Variants in ANO8 observed in about 807,000 individuals in gnomAD.
ANO8 encodes anoctamin-8.
Under a neutral mutation model 120.4 loss-of-function variants are expected in ANO8, and 67 were observed. That is an observed-to-expected ratio of 0.56 (90% confidence interval 0.46 to 0.68). ANO8 has a LOEUF of 0.68. Among genes scored for constraint, ANO8 ranks in the 30% least tolerant of loss-of-function variants. The probability of loss-of-function intolerance (pLI) is 0.00; values close to 1 mark genes in which losing one functional copy is unlikely to be tolerated. For missense variants in ANO8, 1,526 were observed against 1,737.6 expected (o/e 0.88, Z 2.16); for synonymous variants, 727 against 759.2 (o/e 0.96, Z 0.70).
At chr19:17,332,499 G>T (rs1466318261) in intron 5 of ANO8, among the ~76,000 whole-genome samples, 1 of 152,156 alleles carries the variant, frequency 6.6e-6, no homozygotes, top group Admixed American at 6.5e-5. Flanking sequence ...TAGTTTCCTG[G>T]AGGGGAATCC....
Position 17,323,888 on chromosome 19 carries a change from C to T in ANO8, c.3332-4G>A, listed in dbSNP as rs1159953526. On this transcript the variant is annotated splice_region_variant and splice_polypyrimidine_tract_variant and intron_variant, in intron 17 of 17. Transcript: ENST00000159087. ...CCCACGGGGGCCAGCGCTGTCCCTG[C>T]GGAGGCGAGAGGGGCCGTTCCGGGG... 9.8e-6 allele frequency: 11 copies of T among 1,117,810 alleles called. No individual in the cohort carries two copies. Among genetic ancestry groups the T allele is most frequent in the Non-Finnish European group, 1.2e-5 (11 of 914,784 alleles). The allele number at this position is 1,117,810 out of a possible 1,614,324, so 69.2% of individuals were successfully genotyped here.
chr19:17,328,144 G>GCCCCGCCCCCTGCGAGT lies in ANO8; in HGVS notation c.2226+17_2226+18insACTCGCAGGGGGCGGGG. ...CCGGCGAGGCCCCGCCCCCTGCGAG[G>GCCCCGCCCCCTGCGAGT]CCCCGCCCCCTCCTCACCTCGTACT... On this transcript the variant is annotated intron_variant, in intron 13 of 17. Coordinates refer to ENST00000159087, the MANE Select transcript of ANO8 (RefSeq NM_020959.3). The GCCCCGCCCCCTGCGAGT allele has an allele frequency of 6.5e-7, 1 of 1,531,566 alleles. No homozygotes were observed. The allele number at this position is 1,531,566 out of a possible 1,614,324, so 94.9% of individuals were successfully genotyped here.
At position 17,328,609 on chromosome 19, in the gene ANO8, CTCG is replaced by C; in HGVS notation, c.1776_1778del (p.Asp592del). ...CCTCCTCCTCGTCCTCCTCTTCCTCCTCGTCCTCCTCCTCCTCGTCGTCCTCGT... is the reference window on the plus strand; with the variant it reads ...CCTCCTCCTCGTCCTCCTCTTCCTCCTCCTCCTCCTCCTCGTCGTCCTCGT... On this transcript the variant is annotated inframe_deletion, in exon 13 of 18. Transcript: ENST00000159087. The C allele has an allele frequency of 1.3e-6, 2 of 1,542,150 alleles. No individual in the cohort carries two copies. The highest frequency in any genetic ancestry group is 8.7e-7 in the Non-Finnish European group (1 of 1,143,436).
At chr19:17,325,470 T>G in intron 16 of ANO8, 84 bp from the exon 17 acceptor site, 3 of 1,482,440 alleles carry the variant, frequency 2.0e-6, no homozygotes, top group Non-Finnish European at 2.7e-6. Context: ...GCCAGGGCTC[T>G]CTGCAAAAGT....
At position 17,333,535 on chromosome 19, in the gene ANO8, C is replaced by T. The variant is rs990516204; in HGVS notation, c.237G>A (p.Thr79=). Residue 79 remains threonine, a synonymous_variant, in exon 3 of 18, where the codon ACG becomes ACA. Transcript: ENST00000159087. This position sits in a 1 kb window ranked among gnomAD's most constrained non-coding sequence, Gnocchi z 7.2. ...MTFPDTTDDH[T]LLWLLNHIRV... ...GGATGTGGTTCAGCAGCCATAGCAG[C>T]GTGTGGTCATCGGTCGTGTCTGCCA... 4 of 1,612,942 alleles carry T rather than the reference C, an allele frequency of 2.5e-6. No homozygotes were observed. The highest frequency in any genetic ancestry group is 3.4e-6 in the Non-Finnish European group (4 of 1,179,966).
chr19:17,327,484 G>A lies in ANO8; in HGVS notation c.2504C>T (p.Pro835Leu). 1 of 1,613,256 alleles carries A rather than the reference G, an allele frequency of 6.2e-7. No individual in the cohort carries two copies. Among genetic ancestry groups the A allele is most frequent in the Non-Finnish European group, 8.5e-7 (1 of 1,179,854 alleles). ...GATGGCTGCCTCCGGGCTCAGCCAG[G>A]GGAAGAGGCGCTGCAGCTGCCCGCA... ...GQCGQLQRLFPWLSPEAAIVS... is the reference protein window; with the variant it reads ...GQCGQLQRLFLWLSPEAAIVS... Residue 835 changes from proline (P) to leucine (L), a missense_variant, in exon 15 of 18, where the codon CCC becomes CTC. Pro to Leu is a moderately conservative substitution (Grantham distance 98). Coordinates refer to ENST00000159087, the MANE Select transcript of ANO8 (RefSeq NM_020959.3).
In ANO8 at chr19:17,325,380, C is replaced by G; in HGVS notation, c.2668G>C (p.Glu890Gln). The G allele has an allele frequency of 1.3e-6, 2 of 1,581,544 alleles. No homozygotes were observed. The highest frequency in any genetic ancestry group is 2.3e-5 in the South Asian group (2 of 87,880). ...TGGTAGCGATGCTGGGCCTGGCGCT[C>G]GTGTCTCTGCAGGTAGAGCCAAGCC... ...YQRREAFKRHERQAQHRYQQQ... is the reference protein window; with the variant it reads ...YQRREAFKRHQRQAQHRYQQQ... The change falls in exon 17 of 18, where the codon GAG (glutamate) becomes CAG (glutamine). Residue 890 changes from glutamate to glutamine, a missense_variant. This residue lies in a region of ANO8 where 489 missense variants were observed against 548.6 expected (regional missense o/e 0.89). Coordinates refer to ENST00000159087, the MANE Select transcript of ANO8 (RefSeq NM_020959.3).
In ANO8 at chr19:17,324,888, G is replaced by C; in HGVS notation, c.3160C>G (p.Leu1054Val). The C allele has an allele frequency of 6.2e-7, 1 of 1,613,378 alleles. No homozygotes were observed. The highest frequency in any genetic ancestry group is 8.5e-7 in the Non-Finnish European group (1 of 1,179,832). Reference protein sequence around the residue: ...SPPKAFHAGKLFPFGGTRAEP... With the variant: ...SPPKAFHAGKVFPFGGTRAEP... ...GCCCGGGTGCCACCAAAGGGGAAGA[G>C]CTTGCCAGCATGGAAGGCTTTGGGC... Residue 1054 changes from leucine (L) to valine (V), a missense_variant, in exon 17 of 18, where the codon CTC becomes GTC. By Grantham distance (32) the Leu-to-Val change is conservative (BLOSUM62 1). Coordinates refer to ENST00000159087, the MANE Select transcript of ANO8 (RefSeq NM_020959.3).
Position 17,328,773 on chromosome 19 carries a change from C to T in ANO8, c.1615G>A (p.Gly539Arg). ...CTGAGGCACCTGCGGCCCCCGCCCC[C>T]GCTGCCGCCGCCCCCGCCCTCATCC... ...QADEGGGGGSGGGGRRCLSGG... is the reference protein window; with the variant it reads ...QADEGGGGGSRGGGRRCLSGG... The change falls in exon 13 of 18, where the codon GGG (glycine) becomes AGG (arginine). Residue 539 changes from glycine (G) to arginine (R), a missense_variant. Gly to Arg is a moderately radical substitution (Grantham distance 125). Around this residue, in one of 8 missense-constraint regions of ANO8, gnomAD observed 467 missense variants for 425.8 expected, o/e 1.10. Transcript: ENST00000159087. The T allele has an allele frequency of 7.6e-7, 1 of 1,321,566 alleles. No homozygotes were observed. Among genetic ancestry groups the T allele is most frequent in the Non-Finnish European group, 9.6e-7 (1 of 1,043,386 alleles). 81.9% of individuals were successfully genotyped at this position (1,321,566 alleles called of 1,614,324 possible). A position where few individuals can be genotyped will look rare whatever the true frequency, so the allele number is the denominator to read the frequency against.
Position 17,325,302 on chromosome 19 carries a change from G to A in ANO8, c.2746C>T (p.His916Tyr), listed in dbSNP as rs141064694. The stretch of plus-strand genomic sequence containing the variant: ...GAATCATGCTCCCGCCGGGCATGGT[G>A]CTCTGCATGGCGCTGTCGCTCCTCC... ...EEEERQRHAE[H>Y]HARREHDSGG... Residue 916 changes from histidine (H) to tyrosine (Y), a missense_variant, in exon 17 of 18, where the codon CAC becomes TAC. Physicochemically the swap from His to Tyr is moderately conservative, Grantham distance 83. Coordinates refer to ENST00000159087, the MANE Select transcript of ANO8 (RefSeq NM_020959.3). 3.4e-5 allele frequency: 55 copies of A among 1,606,038 alleles called. No individual in the cohort carries two copies. The African/African-American group carries it at 6.8e-4, about 20-fold the overall frequency.
chr19:17,323,990 G>T, intron 17 of ANO8, 106 bp from the exon 18 acceptor site: 1 of 1,022,834 alleles, frequency 9.8e-7, no homozygotes, highest in Non-Finnish European at 1.2e-6. Flanking sequence ...GCACATAAAG[G>T]CCTTATTGCT....
intron 8 of ANO8, 129 bp downstream of exon 8, chr19:17,330,699 G>A (rs1824835332): frequency 4.2e-6 from 6 of 1,437,440 alleles, no homozygotes; most frequent in South Asian, 2.7e-5. Flanking sequence ...CACAGAGCCC[G>A]CCTCGGTTTG....
chr19:17,324,115 C>G (rs1050138110), intron 17 of ANO8, among the ~76,000 whole-genome samples: 26 of 151,234 alleles, frequency 1.7e-4, no homozygotes, highest in Admixed American at 9.3e-4. Flanking sequence ...GTCCCTCTGG[C>G]TTCTGACCTA....
rs2074351286 is a variant in ANO8, at chr19:17,334,793, C to T, written c.-123G>A. 2 of 1,156,982 alleles carry T rather than the reference C, an allele frequency of 1.7e-6. No individual in the cohort carries two copies. Among genetic ancestry groups the T allele is most frequent in the Non-Finnish European group, 2.3e-6 (2 of 871,714 alleles). The allele number at this position is 1,156,982 out of a possible 1,614,324, so 71.7% of individuals were successfully genotyped here. ...AGACAAAGGCCGCGCCCGCCCGCGC[C>T]GGCCTCGGTCCTCGCTCGCCCGAGC... On this transcript the variant is annotated 5_prime_UTR_variant, in exon 1 of 18. Coordinates refer to ENST00000159087, the MANE Select transcript of ANO8 (RefSeq NM_020959.3).
At position 17,323,291 on chromosome 19, in the gene ANO8, CAA is replaced by C. The variant is rs1568356696; in HGVS notation, c.*224_*225del. 4 of 333,794 alleles carry C rather than the reference CAA, an allele frequency of 1.2e-5. No homozygotes were observed. The highest frequency in any genetic ancestry group is 4.5e-5 in the East Asian group (1 of 22,468). The allele number at this position is 333,794 out of a possible 1,614,324, so 20.7% of individuals were successfully genotyped here. A position where few individuals can be genotyped will look rare whatever the true frequency, so the allele number is the denominator to read the frequency against. ...AAAATATGACAAAATAAATTAAAAACAAATAAATAATCGCCTGTTCTGTGTGT... is the reference window on the plus strand; with the variant it reads ...AAAATATGACAAAATAAATTAAAAACATAAATAATCGCCTGTTCTGTGTGT... On this transcript the variant is annotated 3_prime_UTR_variant, in exon 18 of 18. Coordinates refer to ENST00000159087, the MANE Select transcript of ANO8 (RefSeq NM_020959.3).
chr19:17,324,632 T>C, intron 17 of ANO8, 85 bp downstream of exon 17: 2 of 1,489,664 alleles, frequency 1.3e-6, no homozygotes, highest in Non-Finnish European at 1.8e-6. Flanking sequence ...CCCTGTCCCC[T>C]TCAGCCCCTC....
chr19:17,330,045 GC>G, intron 10 of ANO8, 31 bp from the exon 11 acceptor site: 5 of 1,613,944 alleles, frequency 3.1e-6, no homozygotes, highest in Non-Finnish European at 4.2e-6. Flanking sequence ...TGAGGGGGCA[GC>G]CGCGGTCCCC....
rs146783459 is a variant in ANO8, at chr19:17,325,079, G to A, written c.2969C>T (p.Ser990Leu). 7.8e-5 allele frequency: 126 copies of A among 1,613,636 alleles called. 1 individual carries two copies. In the African/African-American group the frequency reaches 1.4e-3, roughly 18 times the overall value. ...QIIPLQGKFL[S>L]SGATSSLAAA... ...AGCCAGTGAGGATGTGGCCCCTGAC[G>A]AGAGGAATTTGCCCTGCAGTGGGAT... is the stretch of plus-strand genomic sequence containing the variant. Residue 990 changes from serine (S) to leucine (L), a missense_variant, in exon 17 of 18, where the codon TCG (serine) becomes TTG (leucine). By Grantham distance (145) the Ser-to-Leu change is moderately radical. Transcript: ENST00000159087.
chr19:17,329,356 A>G, intron 12 of ANO8: 1 of 347,396 alleles, frequency 2.9e-6, no homozygotes, highest in Admixed American at 4.6e-5. Context: ...GGCCCCCAGC[A>G]CAGCCACGCT....
Sources: gnomAD v4.1 joint callset for allele counts (sites outside exome capture counted in the v4.1 genomes callset) on GRCh38, gnomAD v4.1.1 for gene constraint, gnomAD v4.1.1 regional missense constraint, Gnocchi (gnomAD v3.1) non-coding constraint, MANE v1.5 for transcripts, NCBI Gene and HGNC (gene_info 2026-07-23, HGNC 2026-07-21) for gene names.